The following TNIK variants were observed in gnomAD, a reference collection of about 807,000 sequenced individuals.
TNIK encodes the protein TRAF2 and NCK interacting kinase, also known as TRAF2 and NCK-interacting protein kinase.
A neutral mutation model predicts 191.3 loss-of-function variants in TNIK; 49 were observed. The ratio of observed to expected loss-of-function variants is 0.26; its 90% confidence interval spans 0.20 to 0.32. The LOEUF (loss-of-function observed/expected upper bound fraction) is 0.32. Among genes scored for constraint, TNIK ranks in the 10% least tolerant of loss-of-function variants. The probability of loss-of-function intolerance (pLI) is 1.00; values close to 1 mark genes in which losing one functional copy is unlikely to be tolerated. For synonymous variants in TNIK, 594 were observed against 600.9 expected, an observed-to-expected ratio of 0.99 and a Z score of 0.17; for missense variants, 1,155 against 1,702.3, an observed-to-expected ratio of 0.68 and a Z score of 5.66.
chr3:171,362,683 G>T (rs1254480535), intron 2 of TNIK, among the ~76,000 whole-genome samples: 1 of 152,120 alleles, frequency 6.6e-6, no homozygotes. Flanking sequence ...TTATACTTGA[G>T]TTTTCATTAA....
intron 23 of TNIK, 101 bp from the exon 24 acceptor site, chr3:171,087,607 A>G: frequency 7.7e-7 from 1 of 1,291,044 alleles, no homozygotes. Context: ...CTCCAAATCA[A>G]CCCACTAGGG....
At chr3:171,155,747 C>A (rs145841334) in intron 12 of TNIK, among the ~76,000 whole-genome samples, 28 of 152,260 alleles carry the variant, frequency 1.8e-4, no homozygotes, top group Admixed American at 1.2e-3. Flanking sequence ...TGTGCCCTTG[C>A]GCAGAACTCC....
intron 2 of TNIK, among the ~76,000 whole-genome samples, chr3:171,299,747 AG>A (rs1433990461): frequency 6.6e-6 from 1 of 152,224 alleles, no homozygotes; most frequent in Non-Finnish European, 1.5e-5. Context: ...CTGAGTTGTT[AG>A]GAGGCTCCAA....
rs1717955650 is a variant in TNIK, at chr3:171,062,770, T to G, written c.*1111A>C. The G allele has an allele frequency of 6.7e-6, 1 of 150,158 alleles. No individual in the cohort carries two copies. 9.3% of individuals were successfully genotyped at this position (150,158 alleles called of 1,614,324 possible). A position where few individuals can be genotyped will look rare whatever the true frequency, so the allele number is the denominator to read the frequency against. ...AGAACACAGGCAGCTCAGAAACATT[T>G]ATTATTAATTTTTTCAGTCACAGTT... On this transcript the variant is annotated 3_prime_UTR_variant, in exon 33 of 33. Coordinates refer to ENST00000436636, the MANE Select transcript of TNIK (RefSeq NM_015028.4).
At chr3:171,312,083 C>T (rs907854016) in intron 2 of TNIK, among the ~76,000 whole-genome samples, 20 of 142,836 alleles carry the variant, frequency 1.4e-4, no homozygotes, top group African/African-American at 5.2e-4. Flanking sequence ...CTCTGCACTT[C>T]CTCAGCTGTC....
chr3:171,105,289 C>A (rs1357994615), intron 21 of TNIK, among the ~76,000 whole-genome samples: 1 of 152,118 alleles, frequency 6.6e-6, no homozygotes, highest in African/African-American at 2.4e-5. Flanking sequence ...CCAGATAATT[C>A]TTTATTGTAG....
At chr3:171,177,257 C>T in intron 8 of TNIK, 69 bp downstream of exon 8, 1 of 1,529,566 alleles carries the variant, frequency 6.5e-7, no homozygotes, top group South Asian at 1.2e-5. Flanking sequence ...ACTGCAGCTC[C>T]TGGCAAGGAA....
At chr3:171,168,842 T>C (rs1047777592) in intron 9 of TNIK, among the ~76,000 whole-genome samples, 7 of 152,202 alleles carry the variant, frequency 4.6e-5, no homozygotes, top group African/African-American at 7.2e-5. Context: ...GCACACTACC[T>C]GAGCTGTGTG....
intron 2 of TNIK, among the ~76,000 whole-genome samples, chr3:171,256,281 C>G (rs140677521): frequency 3.8e-4 from 58 of 152,200 alleles, no homozygotes; most frequent in African/African-American, 1.2e-3. Flanking sequence ...ACAAATGAGT[C>G]TACAATTCCC....
chr3:171,363,289 G>A (rs1003286877), intron 2 of TNIK, among the ~76,000 whole-genome samples: 2 of 152,134 alleles, frequency 1.3e-5, no homozygotes, highest in Admixed American at 1.3e-4. Flanking sequence ...AGTAAAATGA[G>A]ACCATAACCA....
At chr3:171,436,617 T>C (rs1726064389) in intron 1 of TNIK, among the ~76,000 whole-genome samples, 1 of 152,182 alleles carries the variant, frequency 6.6e-6, no homozygotes, top group African/African-American at 2.4e-5. Flanking sequence ...TCCTGTGACT[T>C]TGAAAACAAA....
intron 7 of TNIK, 75 bp downstream of exon 7, chr3:171,188,627 A>G: frequency 3.2e-6 from 5 of 1,540,514 alleles, no homozygotes; most frequent in Non-Finnish European, 4.4e-6. Flanking sequence ...TCATAAATAT[A>G]AGGGCATGTA....
At chr3:171,422,113 T>C (rs535442661) in intron 1 of TNIK, among the ~76,000 whole-genome samples, 2 of 152,108 alleles carry the variant, frequency 1.3e-5, no homozygotes, top group Non-Finnish European at 2.9e-5. Flanking sequence ...CTGAATTAAA[T>C]AACATGATTA....
intron 2 of TNIK, among the ~76,000 whole-genome samples, chr3:171,247,585 G>A (rs916428161): frequency 1.3e-5 from 2 of 152,212 alleles, no homozygotes; most frequent in Non-Finnish European, 2.9e-5. Context: ...CAGTGGAGAA[G>A]ACTGGGCTTC....
Position 171,460,114 on chromosome 3 carries a change from C to T in TNIK, c.-51G>A. 2 of 1,567,612 alleles carry T rather than the reference C, an allele frequency of 1.3e-6. No homozygotes were observed. On this transcript the variant is annotated 5_prime_UTR_variant, in exon 1 of 33. Coordinates refer to ENST00000436636, the MANE Select transcript of TNIK (RefSeq NM_015028.4). This position sits in a 1 kb window ranked among gnomAD's most constrained non-coding sequence, Gnocchi z 6.8. ...ACCAAAACCACCCCGAAGCTTTTCC[C>T]TTGGAAATTCCACCTTGGTCTATTT...
intron 1 of TNIK, among the ~76,000 whole-genome samples, chr3:171,375,409 C>G (rs1371171207): frequency 2.0e-5 from 3 of 152,198 alleles, no homozygotes; most frequent in Non-Finnish European, 4.4e-5. Flanking sequence ...CCACCACATG[C>G]TTAGCAAACA....
chr3:171,098,618 T>C (rs546150635), intron 22 of TNIK, among the ~76,000 whole-genome samples: 1 of 152,324 alleles, frequency 6.6e-6, no homozygotes, highest in Non-Finnish European at 1.5e-5. Flanking sequence ...TGGTGCTCCA[T>C]TTCTGAGAAG....
At chr3:171,172,925 A>G (rs1040564229) in intron 9 of TNIK, among the ~76,000 whole-genome samples, 1 of 152,144 alleles carries the variant, frequency 6.6e-6, no homozygotes, top group African/African-American at 2.4e-5. Context: ...ATCAGACTGC[A>G]TTGTCCTAAA....
intron 1 of TNIK, among the ~76,000 whole-genome samples, chr3:171,425,004 A>G (rs1431813570): frequency 6.6e-6 from 1 of 151,706 alleles, no homozygotes; most frequent in Non-Finnish European, 1.5e-5. Flanking sequence ...AACTGGGCAC[A>G]TGTTACTAAA....
Sources: allele counts gnomAD v4.1 joint callset (sites outside exome capture counted in the v4.1 genomes callset), GRCh38; gene constraint gnomAD v4.1.1; non-coding constraint Gnocchi (gnomAD v3.1); transcripts MANE v1.5; gene names NCBI Gene and HGNC (gene_info 2026-07-23, HGNC 2026-07-21).